Variants in PDZD2 observed in about 807,000 individuals in gnomAD.
PDZD2 encodes the protein PDZ domain containing 2, also known as PDZ domain-containing protein 2.
PDZD2 carries 90 observed loss-of-function variants against 220.7 expected under a neutral mutation model. The observed-to-expected ratio is 0.41, with a 90% CI of 0.34 to 0.49. The LOEUF (loss-of-function observed/expected upper bound fraction) is 0.49, where lower values mean the gene tolerates loss of function less well. Ranked by LOEUF, PDZD2 falls within the 20% of genes least tolerant of loss-of-function variation. The probability of loss-of-function intolerance (pLI) is 0.28; values close to 1 mark genes in which losing one functional copy is unlikely to be tolerated. For missense variants in PDZD2, 3,174 were observed against 3,608.5 expected (o/e 0.88, Z 3.08); for synonymous variants, 1,375 against 1,450.5 (o/e 0.95, Z 1.18).
At chr5:32,048,933 G>A (rs1738243321) in intron 8 of PDZD2, among the ~76,000 whole-genome samples, 1 of 152,142 alleles carries the variant, frequency 6.6e-6, no homozygotes, top group African/African-American at 2.4e-5. Context: ...GGAACCTAGA[G>A]GTGCTTTCAA....
At chr5:31,934,590 C>T (rs1553554) in intron 2 of PDZD2, among the ~76,000 whole-genome samples, 117,101 of 142,956 alleles carry the variant, frequency 0.82, 47,931 homozygotes, top group East Asian at 0.94. Context: ...GTTTAGGAGA[C>T]ATTTGAACCA....
At chr5:31,911,438 G>T (rs1743195109) in intron 2 of PDZD2, among the ~76,000 whole-genome samples, 1 of 152,208 alleles carries the variant, frequency 6.6e-6, no homozygotes, top group Non-Finnish European at 1.5e-5. Flanking sequence ...CCACCATGTG[G>T]CTTCACTGGG....
At chr5:31,805,488 G>A (rs1047225236) in intron 2 of PDZD2, among the ~76,000 whole-genome samples, 9 of 152,072 alleles carry the variant, frequency 5.9e-5, no homozygotes, top group Non-Finnish European at 8.8e-5. Flanking sequence ...ATGGTTCCTC[G>A]GTTGATGGTT....
chr5:31,776,510 G>C (rs6450859), intron 1 of PDZD2, among the ~76,000 whole-genome samples: 66,785 of 149,574 alleles, frequency 0.45, 15,685 homozygotes, highest in African/African-American at 0.53. Context: ...AGTAGAGACA[G>C]GTTACTTATG....
chr5:32,024,682 C>G (rs1978457), intron 6 of PDZD2, among the ~76,000 whole-genome samples: 1 of 33,584 alleles, frequency 3.0e-5, no homozygotes, highest in African/African-American at 7.2e-5. Context: ...GACTTCATCT[C>G]AAAAAAAAAA....
At chr5:31,854,473 C>T (rs993723297) in intron 2 of PDZD2, among the ~76,000 whole-genome samples, 2 of 152,186 alleles carry the variant, frequency 1.3e-5, no homozygotes, top group East Asian at 3.9e-4. Context: ...CTGGAAAGTT[C>T]CCTGACATCC....
At position 31,747,347 on chromosome 5, in the gene PDZD2, G is replaced by A. The variant is rs756286922; in HGVS notation, c.-360-51542G>A. Among the ~76,000 whole-genome samples, 27 of 152,196 alleles carry A rather than the reference G, an allele frequency of 1.8e-4. No individual in the cohort carries two copies. In the East Asian group the frequency reaches 2.7e-3, roughly 15 times the overall value. On this transcript the variant is annotated intron_variant, in intron 1 of 24. Coordinates refer to ENST00000438447, the MANE Select transcript of PDZD2 (RefSeq NM_178140.4). ...ATGATCTAATGGTAGGAAATGGAGC[G>A]GAGGGAACCTAGCAAGGCCTATTTG... is the stretch of plus-strand genomic sequence containing the variant.
At chr5:31,943,617 C>T (rs1397904064) in intron 2 of PDZD2, among the ~76,000 whole-genome samples, 1 of 152,160 alleles carries the variant, frequency 6.6e-6, no homozygotes, top group East Asian at 1.9e-4. Flanking sequence ...TAAACACTTG[C>T]GTGCTTAGCT....
chr5:31,803,810 A>G (rs747506603), intron 2 of PDZD2, among the ~76,000 whole-genome samples: 3 of 152,050 alleles, frequency 2.0e-5, no homozygotes, highest in Non-Finnish European at 4.4e-5. Context: ...CCGAGATGGC[A>G]AGATTGCTTG....
chr5:32,026,541 G>A lies in PDZD2; in HGVS notation c.1408-10690G>A, dbSNP rs563109782. Among the ~76,000 whole-genome samples the A allele has an allele frequency of 9.9e-5, 15 of 152,086 alleles. 1 individual carries two copies. The highest frequency in any genetic ancestry group is 7.7e-4 in the East Asian group (4 of 5,170). On this transcript the variant is annotated intron_variant, in intron 6 of 24. Transcript: ENST00000438447. Reference sequence around the variant, plus strand: ...GATTTTCCTGTATGCATGTGTATGCGTGCACGTGCACGCACGCACACACAC... The same window carrying A: ...GATTTTCCTGTATGCATGTGTATGCATGCACGTGCACGCACGCACACACAC...
At chr5:31,760,340 A>G (rs1451200589) in intron 1 of PDZD2, among the ~76,000 whole-genome samples, 2 of 152,218 alleles carry the variant, frequency 1.3e-5, no homozygotes, top group Admixed American at 6.6e-5. Flanking sequence ...AACTAAGCCT[A>G]GAGGAATAAT....
intron 6 of PDZD2, among the ~76,000 whole-genome samples, chr5:32,026,863 A>G (rs1196935752): frequency 6.6e-6 from 1 of 152,106 alleles, no homozygotes; most frequent in African/African-American, 2.4e-5. Context: ...CTCCTCCTTG[A>G]CCTCCACATC....
Position 31,692,861 on chromosome 5 carries a change from C to T in PDZD2, c.-361+53424C>T, listed in dbSNP as rs550515393. On this transcript the variant is annotated intron_variant, in intron 1 of 24. Transcript: ENST00000438447. ...GCTGCTGTCCAGGCCTCCGGGAGGA[C>T]CCGCAGCCTCTGTCCGGGTCAGGGG... is the stretch of plus-strand genomic sequence containing the variant. The T allele has an allele frequency of 2.6e-5, 4 of 152,402 alleles. No homozygotes were observed. In the East Asian group the frequency reaches 7.7e-4, roughly 29 times the overall value. 9.4% of individuals were successfully genotyped at this position (152,402 alleles called of 1,614,324 possible). A position where few individuals can be genotyped will look rare whatever the true frequency, so the allele number is the denominator to read the frequency against.
At chr5:32,032,934 T>G (rs548293842) in intron 6 of PDZD2, among the ~76,000 whole-genome samples, 1 of 152,308 alleles carries the variant, frequency 6.6e-6, no homozygotes, top group East Asian at 1.9e-4. Context: ...TTGAGTGCTG[T>G]GTATGTTACA....
At chr5:31,695,561 T>C (rs1047411634) in intron 1 of PDZD2, among the ~76,000 whole-genome samples, 1 of 152,224 alleles carries the variant, frequency 6.6e-6, no homozygotes, top group Non-Finnish European at 1.5e-5. Context: ...TGTCAAAAGC[T>C]GCATTGAAAT....
chr5:31,927,841 G>T (rs1209007312), intron 2 of PDZD2, among the ~76,000 whole-genome samples: 3 of 152,202 alleles, frequency 2.0e-5, no homozygotes, highest in Non-Finnish European at 4.4e-5. Flanking sequence ...GGGCCTAAGA[G>T]ATGTGTGTCC....
At chr5:31,767,029 T>TTTTTTTC (rs1752069414) in intron 1 of PDZD2, among the ~76,000 whole-genome samples, 1 of 52,944 alleles carries the variant, frequency 1.9e-5, no homozygotes, top group Admixed American at 1.8e-4. Flanking sequence ...CACCCAGCCT[T>TTTTTTTC]TTTTTTTTTT....
chr5:31,768,574 G>A (rs1321633377), intron 1 of PDZD2, among the ~76,000 whole-genome samples: 4 of 151,936 alleles, frequency 2.6e-5, no homozygotes, highest in African/African-American at 4.8e-5. Context: ...CCCAGGAGGC[G>A]GAGGTTGCAG....
chr5:31,660,731 G>A (rs758516362), intron 1 of PDZD2, among the ~76,000 whole-genome samples: 1 of 152,114 alleles, frequency 6.6e-6, no homozygotes, highest in African/African-American at 2.4e-5. Context: ...TTTGGGTGGG[G>A]ACAAAGCTAA....
Sources: allele counts gnomAD v4.1 joint callset (sites outside exome capture counted in the v4.1 genomes callset), GRCh38; gene constraint gnomAD v4.1.1; transcripts MANE v1.5; gene names NCBI Gene and HGNC (gene_info 2026-07-23, HGNC 2026-07-21).